The following AADACL2 variants were observed in gnomAD, a reference collection of about 807,000 sequenced individuals.
The protein encoded by AADACL2 is arylacetamide deacetylase like 2.
A neutral mutation model predicts 22.3 loss-of-function variants in AADACL2; 23 were observed. The ratio of observed to expected loss-of-function variants is 1.03; its 90% CI spans 0.74 to 1.46. The LOEUF (loss-of-function observed/expected upper bound fraction) is 1.46, where lower values mean the gene tolerates loss of function less well. Among genes scored for constraint, AADACL2 ranks in the 40% most tolerant of loss-of-function variants. The pLI, the probability that AADACL2 is intolerant of heterozygous loss-of-function variation, is 0.00. For synonymous variants in AADACL2, 177 were observed against 166.2 expected, an observed-to-expected ratio of 1.07 and a Z score of -0.50; for missense variants, 472 against 482.9, an observed-to-expected ratio of 0.98 and a Z score of 0.21.
intron 1 of AADACL2, among the ~76,000 whole-genome samples, chr3:151,739,872 G>A: frequency 6.6e-6 from 1 of 152,188 alleles, no homozygotes; most frequent in Non-Finnish European, 1.5e-5. Flanking sequence ...CACCAAGCTA[G>A]ATCATCCCAG....
intron 4 of AADACL2, among the ~76,000 whole-genome samples, chr3:151,756,773 C>A (rs1713925242): frequency 6.6e-6 from 1 of 151,244 alleles, no homozygotes; most frequent in Non-Finnish European, 1.5e-5. Context: ...CTCCTTTTTT[C>A]CTCACACAAA....
At chr3:151,743,878 G>A (rs73869688) in intron 2 of AADACL2, among the ~76,000 whole-genome samples, 9,292 of 152,096 alleles carry the variant, frequency 0.061, 597 homozygotes, top group African/African-American at 0.15. Flanking sequence ...ATCAATTGGT[G>A]AAGTCATCCT....
At chr3:151,756,173 C>T (rs980858636) in intron 4 of AADACL2, among the ~76,000 whole-genome samples, 20 of 152,062 alleles carry the variant, frequency 1.3e-4, no homozygotes, top group Non-Finnish European at 4.4e-5. Flanking sequence ...CAGACTCTAG[C>T]CAAGGCAATA....
rs968793756 is a variant in AADACL2 at position 151,760,842 on chromosome 3, T to C, written c.*3248T>C. 6.6e-6 allele frequency: 1 copy of C among 152,106 alleles called. No homozygotes were observed. Among genetic ancestry groups the C allele is most frequent in the Admixed American group, 6.6e-5 (1 of 15,262 alleles). The allele number at this position is 152,106 out of a possible 1,614,324, so 9.4% of individuals were successfully genotyped here. On this transcript the variant is annotated 3_prime_UTR_variant, in exon 5 of 5. Transcript: ENST00000356517. ...ATGGTCCCTCTGAAGGCACCAAGGA[T>C]GGATCTGTTTCAGGACTCCTGGCCT...
At position 151,760,736 on chromosome 3, in the gene AADACL2, G is replaced by C. The variant is rs916192732; in HGVS notation, c.*3142G>C. On this transcript the variant is annotated 3_prime_UTR_variant, in exon 5 of 5. Coordinates refer to ENST00000356517, the MANE Select transcript of AADACL2 (RefSeq NM_207365.4). ...CTGCTATAACAAAGTATCACAAACT[G>C]AGTGCCTTAAATAAACAAAAGGAAT... 6.6e-6 allele frequency: 1 copy of C among 152,130 alleles called. No homozygotes were observed. Among genetic ancestry groups the C allele is most frequent in the African/African-American group, 2.4e-5 (1 of 41,434 alleles). 9.4% of individuals were successfully genotyped at this position (152,130 alleles called of 1,614,324 possible). A position where few individuals can be genotyped will look rare whatever the true frequency, so the allele number is the denominator to read the frequency against.
At chr3:151,750,935 G>T (rs187759536) in intron 4 of AADACL2, among the ~76,000 whole-genome samples, 50 of 152,126 alleles carry the variant, frequency 3.3e-4, no homozygotes, top group Admixed American at 1.6e-3. Context: ...CTTCACCTTT[G>T]GTTCTATACC....
chr3:151,739,914 G>A (rs1291460558), intron 1 of AADACL2, among the ~76,000 whole-genome samples: 1 of 152,204 alleles, frequency 6.6e-6, no homozygotes, highest in Non-Finnish European at 1.5e-5. Flanking sequence ...TGGCAGTGAG[G>A]ATTTCAAGGC....
At chr3:151,743,989 A>G in intron 2 of AADACL2, 104 bp from the exon 3 acceptor site, 2 of 1,176,424 alleles carry the variant, frequency 1.7e-6, no homozygotes, top group Middle Eastern at 2.0e-4. Flanking sequence ...AATAAAAGCT[A>G]TGTGATATTC....
Position 151,758,805 on chromosome 3 carries a change from A to G in AADACL2, c.*1211A>G. The G allele has an allele frequency of 1.3e-5, 2 of 152,244 alleles. No homozygotes were observed. The highest frequency in any genetic ancestry group is 4.1e-4 in the South Asian group (2 of 4,824). The allele number at this position is 152,244 out of a possible 1,614,324, so 9.4% of individuals were successfully genotyped here. ...GTTGAATCCAACTAAGAAGTTAAAA[A>G]TGTAGTAAGAAATGTGTATATGTAT... On this transcript the variant is annotated 3_prime_UTR_variant, in exon 5 of 5. Transcript: ENST00000356517.
chr3:151,742,023 C>G (rs1161551393), intron 2 of AADACL2, among the ~76,000 whole-genome samples: 1 of 152,086 alleles, frequency 6.6e-6, no homozygotes, highest in Non-Finnish European at 1.5e-5. Context: ...ATCTCCCAAA[C>G]ATATGTGAAT....
Position 151,758,512 on chromosome 3 carries a change from A to T in AADACL2, c.*918A>T, listed in dbSNP as rs950470386. On this transcript the variant is annotated 3_prime_UTR_variant, in exon 5 of 5. Transcript: ENST00000356517. ...AGTTATCTTTTGGGAGGCCATTTTT[A>T]AAAATATTTTTTAAAGGAGGCAGCA... 3 of 145,276 alleles carry T rather than the reference A, an allele frequency of 2.1e-5. No homozygotes were observed. Among genetic ancestry groups the T allele is most frequent in the Non-Finnish European group, 4.5e-5 (3 of 66,302 alleles). 9.0% of individuals were successfully genotyped at this position (145,276 alleles called of 1,614,324 possible).
At chr3:151,738,828 G>A (rs1339005029) in intron 1 of AADACL2, among the ~76,000 whole-genome samples, 1 of 152,194 alleles carries the variant, frequency 6.6e-6, no homozygotes, top group Non-Finnish European at 1.5e-5. Context: ...TTCTTGTGCT[G>A]TGTTTTTCAG....
In AADACL2 at chr3:151,760,881, T is replaced by A. The variant is rs1714118960; in HGVS notation, c.*3287T>A. On this transcript the variant is annotated 3_prime_UTR_variant, in exon 5 of 5. Coordinates refer to ENST00000356517, the MANE Select transcript of AADACL2 (RefSeq NM_207365.4). Reference sequence around the variant, plus strand: ...GACTCCTGGCCTGTAGCAGCATAACTCCAATCTTCACATGATATTCTCCCG... The same window carrying A: ...GACTCCTGGCCTGTAGCAGCATAACACCAATCTTCACATGATATTCTCCCG... 1.3e-5 allele frequency: 2 copies of A among 152,006 alleles called. No individual in the cohort carries two copies. Among genetic ancestry groups the A allele is most frequent in the Non-Finnish European group, 2.9e-5 (2 of 68,004 alleles). 9.4% of individuals were successfully genotyped at this position (152,006 alleles called of 1,614,324 possible). A position where few individuals can be genotyped will look rare whatever the true frequency, so the allele number is the denominator to read the frequency against.
At position 151,744,158 on chromosome 3, in the gene AADACL2, G is replaced by T; in HGVS notation, c.427G>T (p.Val143Leu). The T allele has an allele frequency of 6.2e-7, 1 of 1,613,488 alleles. No homozygotes were observed. Among genetic ancestry groups the T allele is most frequent in the Non-Finnish European group, 8.5e-7 (1 of 1,179,654 alleles). The part of the protein sequence containing the change: ...ANTLDAVVVG[V>L]DYRLAPQHHF... ...CACGCTTGATGCTGTTGTTGTAGGC[G>T]TGGAGTAAGAATGATTTTTTTCTGG... Residue 143 changes from valine (V) to leucine (L), a missense_variant, in exon 3 of 5, where the codon GTG (valine) becomes TTG (leucine). Val to Leu is a conservative substitution (Grantham distance 32). Around this residue, in one of 3 missense-constraint regions of AADACL2, gnomAD observed 356 missense variants for 365.5 expected, o/e 0.97. Transcript: ENST00000356517.
intron 1 of AADACL2, among the ~76,000 whole-genome samples, chr3:151,739,067 A>G (rs1217634513): frequency 6.6e-6 from 1 of 152,166 alleles, no homozygotes; most frequent in Non-Finnish European, 1.5e-5. Flanking sequence ...CATTTGGAGA[A>G]GAGTCATTCT....
Position 151,745,548 on chromosome 3 carries a change from T to G in AADACL2, c.471T>G (p.Phe157Leu). 6.2e-7 allele frequency: 1 copy of G among 1,613,944 alleles called. No individual in the cohort carries two copies. The highest frequency in any genetic ancestry group is 8.5e-7 in the Non-Finnish European group (1 of 1,179,884). Residue 157 changes from phenylalanine (F) to leucine (L), a missense_variant, in exon 4 of 5, where the codon TTT (phenylalanine) becomes TTG (leucine). Physicochemically the swap from Phe to Leu is conservative, Grantham distance 22. Around this residue, in one of 3 missense-constraint regions of AADACL2, gnomAD observed 356 missense variants for 365.5 expected, o/e 0.97. Transcript: ENST00000356517. Reference sequence around the variant, plus strand: ...CTCAACACCACTTTCCTGCTCAGTTTGAAGATGGCCTTGCTGCAGTCAAAT... The same window carrying G: ...CTCAACACCACTTTCCTGCTCAGTTGGAAGATGGCCTTGCTGCAGTCAAAT... ...LAPQHHFPAQ[F>L]EDGLAAVKFF...
intron 4 of AADACL2, among the ~76,000 whole-genome samples, chr3:151,749,169 T>C (rs1713561379): frequency 6.6e-6 from 1 of 152,176 alleles, no homozygotes; most frequent in Non-Finnish European, 1.5e-5. Flanking sequence ...GAAACATGGT[T>C]AATCTTTTCA....
At chr3:151,748,866 T>C (rs1258405453) in intron 4 of AADACL2, among the ~76,000 whole-genome samples, 3 of 152,144 alleles carry the variant, frequency 2.0e-5, no homozygotes, top group Non-Finnish European at 2.9e-5. Context: ...AAGACAACAA[T>C]TTATTTCTTA....
chr3:151,758,505 C>G lies in AADACL2; in HGVS notation c.*911C>G, dbSNP rs1046459175. The G allele has an allele frequency of 1.6e-4, 14 of 88,914 alleles. No homozygotes were observed. Among genetic ancestry groups the G allele is most frequent in the Non-Finnish European group, 3.2e-4 (14 of 43,278 alleles). The allele number at this position is 88,914 out of a possible 1,614,324, so 5.5% of individuals were successfully genotyped here. A position where few individuals can be genotyped will look rare whatever the true frequency, so the allele number is the denominator to read the frequency against. On this transcript the variant is annotated 3_prime_UTR_variant, in exon 5 of 5. Transcript: ENST00000356517. ...AGGATGTAGTTATCTTTTGGGAGGC[C>G]ATTTTTAAAAATATTTTTTAAAGGA...
Sources: allele counts gnomAD v4.1 joint callset (sites outside exome capture counted in the v4.1 genomes callset), GRCh38; gene constraint gnomAD v4.1.1; regional missense constraint gnomAD v4.1.1; transcripts MANE v1.5; gene names NCBI Gene and HGNC (gene_info 2026-07-23, HGNC 2026-07-21).